Variants in CNBD2 observed in about 807,000 individuals in gnomAD.
CNBD2 encodes cyclic nucleotide binding domain containing 2, also known as cyclic nucleotide-binding domain-containing protein 2.
In CNBD2, 64 loss-of-function variants were observed where a neutral mutation model predicts 63.7. The ratio of observed to expected loss-of-function variants is 1.00; its 90% CI spans 0.82 to 1.24. The LOEUF (loss-of-function observed/expected upper bound fraction) is 1.24. Among genes scored for constraint, CNBD2 ranks in the 50% most tolerant of loss-of-function variants. CNBD2 has a pLI of 0.00. For missense variants in CNBD2, 691 were observed against 713.5 expected (o/e 0.97, Z 0.36); for synonymous variants, 229 against 255.4 (o/e 0.90, Z 0.99).
At chr20:36,009,902 C>T (rs747064371) in intron 9 of CNBD2, among the ~76,000 whole-genome samples, 21 of 152,176 alleles carry the variant, frequency 1.4e-4, no homozygotes, top group African/African-American at 2.2e-4. Context: ...AACAACTCTA[C>T]GAGTACTATT....
chr20:35,984,801 T>A, intron 6 of CNBD2, 23 bp downstream of exon 6: 26 of 1,607,090 alleles, frequency 1.6e-5, no homozygotes, highest in Non-Finnish European at 2.2e-5. Flanking sequence ...TCATTCAACA[T>A]TTTTTTCCCC....
At chr20:35,984,604 C>A in intron 5 of CNBD2, 23 bp from the exon 6 acceptor site, 1 of 1,612,346 alleles carries the variant, frequency 6.2e-7, no homozygotes. Flanking sequence ...CTCACACTTG[C>A]CCTTGCCCTG....
At chr20:36,024,218 C>T (rs1298730054) in intron 11 of CNBD2, among the ~76,000 whole-genome samples, 1 of 152,096 alleles carries the variant, frequency 6.6e-6, no homozygotes, top group African/African-American at 2.4e-5. Context: ...GCCTGTAATC[C>T]CAACTACTCA....
At position 36,030,087 on chromosome 20, in the gene CNBD2, G is replaced by T. The variant is rs76655000; in HGVS notation, c.1440-270G>T. On this transcript the variant is annotated intron_variant, in intron 11 of 11. Transcript: ENST00000373973. ...CTGTGTTCTAAGTCTGTGAAATCTG[G>T]TGTGTATTTTACACTCACAGCACAT... Among the ~76,000 whole-genome samples, 1,229 of 152,246 alleles carry T rather than the reference G, an allele frequency of 8.1e-3. 19 individuals carry two copies. Among genetic ancestry groups the T allele is most frequent in the African/African-American group, 0.028 (1,161 of 41,536 alleles).
chr20:35,966,058 A>G (rs577831767), upstream of CNBD2, among the ~76,000 whole-genome samples: 9 of 152,150 alleles, frequency 5.9e-5, no homozygotes, highest in South Asian at 1.9e-3. Flanking sequence ...GCCATCTCCT[A>G]CCATCTCTCT....
At position 35,998,040 on chromosome 20, in the gene CNBD2, CTTTTTTTTT is replaced by C. The variant is rs1046661526; in HGVS notation, c.970+2899_970+2907del. Among the ~76,000 whole-genome samples, 12 of 127,118 alleles carry C rather than the reference CTTTTTTTTT, an allele frequency of 9.4e-5. No homozygotes were observed. The South Asian group carries it at 2.5e-3, about 26-fold the overall frequency. The allele number at this position is 127,118 out of a possible 152,430, so 83.4% of individuals were successfully genotyped here. On this transcript the variant is annotated intron_variant, in intron 8 of 11. Coordinates refer to ENST00000373973, the MANE Select transcript of CNBD2 (RefSeq NM_001365709.1). ...TGTTACTGATTTCTTTTTTCTTTTT[CTTTTTTTTT>C]TTTTTTTTTTGAGAGGGAGTCTCGC...
intron 11 of CNBD2, among the ~76,000 whole-genome samples, chr20:36,025,508 A>T (rs1422406940): frequency 2.0e-5 from 3 of 151,986 alleles, no homozygotes; most frequent in African/African-American, 7.3e-5. Flanking sequence ...CTAATTGAAA[A>T]TTTTTTTGTA....
At position 36,011,276 on chromosome 20, in the gene CNBD2, C is replaced by G. The variant is rs2057057379; in HGVS notation, c.1269+19C>G. On this transcript the variant is annotated intron_variant, in intron 10 of 11. Transcript: ENST00000373973. The stretch of plus-strand genomic sequence containing the variant: ...AATTTTGGTGAGTGTGCCAAGAGCT[C>G]TGTTCACCATGGAGTACGTAACATG... The G allele has an allele frequency of 1.5e-5, 23 of 1,530,722 alleles. No homozygotes were observed. Among genetic ancestry groups the G allele is most frequent in the African/African-American group, 1.4e-4 (10 of 72,030 alleles). The allele number at this position is 1,530,722 out of a possible 1,614,324, so 94.8% of individuals were successfully genotyped here.
intron 10 of CNBD2, among the ~76,000 whole-genome samples, chr20:36,014,182 C>CAAAAA (rs1398212585): frequency 4.2e-5 from 4 of 94,876 alleles, no homozygotes; most frequent in Non-Finnish European, 8.0e-5. Flanking sequence ...GACTCCATCT[C>CAAAAA]AAAAAAAAAA....
Position 35,972,680 on chromosome 20 carries a change from A to G in CNBD2, c.103A>G (p.Met35Val), listed in dbSNP as rs1385390998. 5.6e-6 allele frequency: 9 copies of G among 1,613,958 alleles called. No homozygotes were observed. The highest frequency in any genetic ancestry group is 6.8e-6 in the Non-Finnish European group (8 of 1,179,982). ...CATCATAATGATCCGAGTGTGTAAA[A>G]TGTTCCGCCAAGGCCTCAGGGGATT... Reference protein sequence around the residue: ...DIIIMIRVCKMFRQGLRGFRE... With the variant: ...DIIIMIRVCKVFRQGLRGFRE... Residue 35 changes from methionine to valine, a missense_variant, in exon 2 of 12, where the codon ATG becomes GTG. Met to Val is a conservative substitution (Grantham distance 21). Coordinates refer to ENST00000373973, the MANE Select transcript of CNBD2 (RefSeq NM_001365709.1).
chr20:36,011,072 T>C, intron 9 of CNBD2, 65 bp from the exon 10 acceptor site: 1 of 1,379,830 alleles, frequency 7.2e-7, no homozygotes, highest in Non-Finnish European at 9.5e-7. Context: ...TGAGGGCTGA[T>C]TAGCCAGGGC....
At chr20:35,967,884 G>C (rs1163172021), upstream of CNBD2, among the ~76,000 whole-genome samples, 1 of 152,144 alleles carries the variant, frequency 6.6e-6, no homozygotes, top group East Asian at 1.9e-4. Context: ...TTGCAGGACA[G>C]GTGAGCCCCC....
At chr20:36,006,807 A>G (rs983235525) in intron 8 of CNBD2, among the ~76,000 whole-genome samples, 4 of 152,128 alleles carry the variant, frequency 2.6e-5, no homozygotes, top group South Asian at 2.1e-4. Context: ...CTCCCAGTCA[A>G]TCTCTACCCC....
At chr20:35,990,499 C>T (rs538427348) in intron 7 of CNBD2, among the ~76,000 whole-genome samples, 13 of 151,772 alleles carry the variant, frequency 8.6e-5, no homozygotes, top group East Asian at 1.9e-4. Flanking sequence ...GACATGGTGG[C>T]GCATGCCTAA....
chr20:35,976,547 A>G (rs1330313233), intron 3 of CNBD2, among the ~76,000 whole-genome samples: 1 of 152,120 alleles, frequency 6.6e-6, no homozygotes, highest in Non-Finnish European at 1.5e-5. Flanking sequence ...CTATGGTCGT[A>G]TCACTGCATT....
chr20:36,024,250 G>A (rs531065046), intron 11 of CNBD2, among the ~76,000 whole-genome samples: 10 of 152,052 alleles, frequency 6.6e-5, no homozygotes, highest in South Asian at 4.2e-4. Context: ...TAGGAGAATC[G>A]CTTGAACCCG....
intron 10 of CNBD2, among the ~76,000 whole-genome samples, chr20:36,015,353 G>A (rs558851216): frequency 3.9e-5 from 6 of 152,214 alleles, no homozygotes; most frequent in African/African-American, 1.2e-4. Context: ...TTGCTATGCA[G>A]GAGCTTTTTA....
chr20:35,977,923 C>G (rs1406189931), intron 3 of CNBD2, among the ~76,000 whole-genome samples: 1 of 152,066 alleles, frequency 6.6e-6, no homozygotes, highest in Admixed American at 6.6e-5. Context: ...TATAACCTGC[C>G]CCTCAGCACA....
chr20:35,954,680 C>T, upstream of CNBD2: 1 of 1,191,256 alleles, frequency 8.4e-7, no homozygotes, highest in Non-Finnish European at 1.1e-6. Context: ...GAGGAGGAGT[C>T]GGAGGAGGAG....
Sources: gnomAD v4.1 joint callset for allele counts (sites outside exome capture counted in the v4.1 genomes callset) on GRCh38, gnomAD v4.1.1 for gene constraint, MANE v1.5 for transcripts, NCBI Gene and HGNC (gene_info 2026-07-23, HGNC 2026-07-21) for gene names.